Variants in AGAP1 observed in about 807,000 individuals in gnomAD.
AGAP1 encodes the protein ArfGAP with GTPase domain, ankyrin repeat and PH domain 1.
In AGAP1, 29 loss-of-function variants were observed where a neutral mutation model predicts 105.3. The ratio of observed to expected loss-of-function variants is 0.28; its 90% CI spans 0.21 to 0.38. The LOEUF is 0.38. Ranked by LOEUF, AGAP1 falls within the 10% of genes least tolerant of loss-of-function variation. AGAP1 has a pLI of 1.00. For missense variants in AGAP1, 998 were observed against 1,165.1 expected (o/e 0.86, Z 2.09); for synonymous variants, 509 against 485.9 (o/e 1.05, Z -0.63).
chr2:235,679,238 A>G (rs1225199898), intron 1 of AGAP1, among the ~76,000 whole-genome samples: 1 of 152,208 alleles, frequency 6.6e-6, no homozygotes, highest in Non-Finnish European at 1.5e-5. Flanking sequence ...GTAAACAGAT[A>G]TGTCACTGTG....
intron 12 of AGAP1, among the ~76,000 whole-genome samples, chr2:235,932,713 A>G (rs1042524141): frequency 4.6e-5 from 7 of 152,226 alleles, no homozygotes; most frequent in Admixed American, 1.3e-4. Context: ...TACCTGTTTG[A>G]TAAAAACTCA....
chr2:235,930,981 C>G lies in AGAP1; in HGVS notation c.1483+58C>G. 6.3e-7 allele frequency: 1 copy of G among 1,581,024 alleles called. No homozygotes were observed. On this transcript the variant is annotated intron_variant, in intron 12 of 17. Transcript: ENST00000304032. This position sits in a 1 kb window ranked among gnomAD's most constrained non-coding sequence, Gnocchi z 7.9. The stretch of plus-strand genomic sequence containing the variant: ...CCACCTCAAGGTCCTTCGTTGTAAG[C>G]CAGGGGCTGGACAGGACGCCCTAAG...
chr2:235,534,297 A>G (rs1017393162), intron 1 of AGAP1, among the ~76,000 whole-genome samples: 7 of 152,160 alleles, frequency 4.6e-5, no homozygotes, highest in Non-Finnish European at 8.8e-5. Flanking sequence ...GCCTGCTGCC[A>G]CGTCACCTTC....
intron 9 of AGAP1, chr2:235,853,102 T>C: frequency 8.2e-7 from 1 of 1,224,664 alleles, no homozygotes; most frequent in Non-Finnish European, 1.0e-6. Flanking sequence ...ACGCTCTTTC[T>C]TTGAGGAACC....
chr2:235,627,704 C>G (rs543000789), intron 1 of AGAP1, among the ~76,000 whole-genome samples: 2 of 152,152 alleles, frequency 1.3e-5, no homozygotes, highest in African/African-American at 2.4e-5. Flanking sequence ...ATGCCTCGTC[C>G]CCGGCTCAGC....
intron 1 of AGAP1, chr2:235,670,603 A>C (rs1400751838): frequency 8.8e-6 from 5 of 568,964 alleles, no homozygotes; most frequent in African/African-American, 6.0e-5. Context: ...AAGGCCGGAC[A>C]CTGGGCGGCG....
At chr2:235,886,954 T>A (rs1245214616) in intron 10 of AGAP1, among the ~76,000 whole-genome samples, 1 of 152,120 alleles carries the variant, frequency 6.6e-6, no homozygotes, top group Non-Finnish European at 1.5e-5. Flanking sequence ...AGTCTGGTGG[T>A]CTTGGTTCAA....
chr2:236,033,629 G>T (rs144507348), intron 13 of AGAP1, among the ~76,000 whole-genome samples: 2 of 152,202 alleles, frequency 1.3e-5, no homozygotes, highest in Non-Finnish European at 2.9e-5. Flanking sequence ...TCCTCACCAC[G>T]TAGACACGTT....
In AGAP1 at chr2:235,633,646, A is replaced by G. The variant is rs1404898450; in HGVS notation, c.164-75533A>G. On this transcript the variant is annotated intron_variant, in intron 1 of 17. Coordinates refer to ENST00000304032, the MANE Select transcript of AGAP1 (RefSeq NM_001037131.3). The surrounding 1 kb of genome is among the most constrained non-coding windows in gnomAD (Gnocchi z 4.8). ...CATAGATGGAGTGGGGAGACCTACA[A>G]GGCCTGTCTGTTCAGATTCCTCTTG... 2.6e-5 allele frequency among the ~76,000 whole-genome samples: 4 copies of G among 152,270 alleles called. No individual in the cohort carries two copies. The highest frequency in any genetic ancestry group is 9.6e-5 in the African/African-American group (4 of 41,558).
At position 235,498,397 on chromosome 2, in the gene AGAP1, G is replaced by A. The variant is rs912146531; in HGVS notation, c.163+3548G>A. On this transcript the variant is annotated intron_variant, in intron 1 of 17. Coordinates refer to ENST00000304032, the MANE Select transcript of AGAP1 (RefSeq NM_001037131.3). ...GATCAGGTTTCTGGGATGTCCTATGGGGCATGGCATGCTGTGAAATGTAGC... is the reference window on the plus strand; with the variant it reads ...GATCAGGTTTCTGGGATGTCCTATGAGGCATGGCATGCTGTGAAATGTAGC... Among the ~76,000 whole-genome samples, 11 of 152,052 alleles carry A rather than the reference G, an allele frequency of 7.2e-5. No individual in the cohort carries two copies. The East Asian group carries it at 9.7e-4, about 13-fold the overall frequency.
intron 1 of AGAP1, among the ~76,000 whole-genome samples, chr2:235,521,865 A>G (rs1320823429): frequency 6.6e-6 from 1 of 151,824 alleles, no homozygotes; most frequent in Non-Finnish European, 1.5e-5. Flanking sequence ...GATGCCTAGA[A>G]AGGAGGATTG....
At chr2:236,091,814 T>A (rs935624170) in intron 16 of AGAP1, among the ~76,000 whole-genome samples, 2 of 152,208 alleles carry the variant, frequency 1.3e-5, no homozygotes, top group Non-Finnish European at 2.9e-5. Context: ...AAAACCTGTA[T>A]GTGAATGTTC....
intron 13 of AGAP1, among the ~76,000 whole-genome samples, chr2:235,991,218 AATT>A (rs1449463243): frequency 6.6e-6 from 1 of 152,230 alleles, no homozygotes; most frequent in African/African-American, 2.4e-5. Context: ...ATGTCTCAAG[AATT>A]ATTATGCATT....
At chr2:235,707,161 G>A (rs1439400979) in intron 1 of AGAP1, among the ~76,000 whole-genome samples, 1 of 152,254 alleles carries the variant, frequency 6.6e-6, no homozygotes, top group Non-Finnish European at 1.5e-5. Context: ...GTGACTGGAA[G>A]TCTTTGCGGG....
chr2:235,825,881 C>A (rs1349724093), intron 9 of AGAP1, among the ~76,000 whole-genome samples: 1 of 151,980 alleles, frequency 6.6e-6, no homozygotes, highest in Non-Finnish European at 1.5e-5. Flanking sequence ...TGTTTGTAAC[C>A]CAATGGATAA....
rs200056479 is a variant in AGAP1 at position 235,750,386 on chromosome 2, G to C, written c.571G>C (p.Asp191His). The C allele has an allele frequency of 8.7e-6, 14 of 1,614,164 alleles. No individual in the cohort carries two copies. The highest frequency in any genetic ancestry group is 1.3e-5 in the African/African-American group (1 of 75,042). Residue 191 changes from aspartate to histidine, a missense_variant, in exon 6 of 18, where the codon GAT becomes CAT. Around this residue, in one of 3 missense-constraint regions of AGAP1, gnomAD observed 735 missense variants for 833.4 expected, o/e 0.88. Coordinates refer to ENST00000304032, the MANE Select transcript of AGAP1 (RefSeq NM_001037131.3). The surrounding 1 kb of genome is among the most constrained non-coding windows in gnomAD (Gnocchi z 5.3). ...AISSANPRVI[D>H]DARARKLSND... The stretch of plus-strand genomic sequence containing the variant: ...AAGTTCTGCTAACCCGAGGGTCATC[G>C]ATGACGCCAGGGCGAGGAAGCTCTC...
chr2:235,797,062 A>G (rs988992234), intron 6 of AGAP1, among the ~76,000 whole-genome samples: 1 of 152,176 alleles, frequency 6.6e-6, no homozygotes, highest in African/African-American at 2.4e-5. Context: ...TCTTTGATAT[A>G]ATTACATCTC....
intron 11 of AGAP1, among the ~76,000 whole-genome samples, chr2:235,920,117 C>T (rs748102431): frequency 4.6e-5 from 7 of 152,202 alleles, no homozygotes; most frequent in East Asian, 1.9e-4. Context: ...ATTTAGTAGT[C>T]GTTAAATTTG....
Position 236,003,477 on chromosome 2 carries a change from GCCAC to G in AGAP1, c.1646-33083_1646-33080del. ...TGTGTGGTCGCACGTCCTCCTCATG[GCCAC>G]GCTGGGATGGAGGTGGACTCTGAGC... On this transcript the variant is annotated intron_variant, in intron 13 of 17. Transcript: ENST00000304032. The surrounding 1 kb of genome is among the most constrained non-coding windows in gnomAD (Gnocchi z 4.2). Among the ~76,000 whole-genome samples the G allele has an allele frequency of 6.6e-6, 1 of 152,198 alleles. No individual in the cohort carries two copies. Among genetic ancestry groups the G allele is most frequent in the African/African-American group, 2.4e-5 (1 of 41,454 alleles).
Sources: allele counts gnomAD v4.1 joint callset (sites outside exome capture counted in the v4.1 genomes callset), GRCh38; gene constraint gnomAD v4.1.1; regional missense constraint gnomAD v4.1.1; non-coding constraint Gnocchi (gnomAD v3.1); transcripts MANE v1.5; gene names NCBI Gene and HGNC (gene_info 2026-07-23, HGNC 2026-07-21).